Variants in GMDS observed in about 807,000 individuals in gnomAD.
GMDS encodes GDP-mannose 4,6-dehydratase.
In GMDS, 20 loss-of-function variants were observed where a neutral mutation model predicts 49.9. That is an observed-to-expected ratio of 0.40 (90% CI 0.28 to 0.58). The LOEUF (loss-of-function observed/expected upper bound fraction) is 0.58. Among genes scored for constraint, GMDS ranks in the 20% least tolerant of loss-of-function variants. GMDS has a pLI of 0.42. For missense variants in GMDS, 362 were observed against 481.4 expected (o/e 0.75, Z 2.32); for synonymous variants, 177 against 178.6 (o/e 0.99, Z 0.07).
intron 3 of GMDS, among the ~76,000 whole-genome samples, chr6:2,116,427 T>C (rs1373015145): frequency 6.6e-6 from 1 of 152,216 alleles, no homozygotes; most frequent in African/African-American, 2.4e-5. Flanking sequence ...CTGACTTCAT[T>C]AGCATAAGAA....
chr6:1,787,750 A>G (rs1053324605), intron 7 of GMDS, among the ~76,000 whole-genome samples: 1 of 152,220 alleles, frequency 6.6e-6, no homozygotes, highest in Admixed American at 6.5e-5. Flanking sequence ...CAATTTCATA[A>G]GCTGCCTGAA....
chr6:2,014,667 A>G (rs1464553857), intron 4 of GMDS, among the ~76,000 whole-genome samples: 1 of 152,132 alleles, frequency 6.6e-6, no homozygotes, highest in Non-Finnish European at 1.5e-5. Flanking sequence ...AGAATAAAAT[A>G]TAACTGCAAA....
chr6:1,673,434 G>GA (rs1204703150), intron 9 of GMDS, among the ~76,000 whole-genome samples: 1 of 151,156 alleles, frequency 6.6e-6, no homozygotes, highest in African/African-American at 2.4e-5. Flanking sequence ...AAACTACACA[G>GA]AAAGTACAGA....
At chr6:1,765,471 G>A (rs1448558395) in intron 7 of GMDS, among the ~76,000 whole-genome samples, 1 of 152,168 alleles carries the variant, frequency 6.6e-6, no homozygotes, top group Non-Finnish European at 1.5e-5. Flanking sequence ...CAGGAAGAGA[G>A]CAAGGCAGAG....
intron 7 of GMDS, among the ~76,000 whole-genome samples, chr6:1,880,991 AAAG>A (rs1174098046): frequency 6.6e-6 from 1 of 152,206 alleles, no homozygotes; most frequent in East Asian, 1.9e-4. Context: ...TAAAGAAACA[AAAG>A]AAGAAAATCC....
chr6:2,128,247 T>C (rs1775560677), intron 1 of GMDS, among the ~76,000 whole-genome samples: 1 of 151,592 alleles, frequency 6.6e-6, no homozygotes. Flanking sequence ...CAATCTCGGC[T>C]CACTGCAACC....
chr6:2,026,856 G>C (rs1407109963), intron 4 of GMDS, among the ~76,000 whole-genome samples: 1 of 152,186 alleles, frequency 6.6e-6, no homozygotes, highest in Non-Finnish European at 1.5e-5. Flanking sequence ...AGCTTCATTA[G>C]TTTATTGAAT....
At chr6:1,686,773 G>T (rs533771432) in intron 9 of GMDS, among the ~76,000 whole-genome samples, 10 of 152,282 alleles carry the variant, frequency 6.6e-5, no homozygotes, top group Admixed American at 6.5e-4. Context: ...AGCTGCCCAG[G>T]TTGCAGGGCT....
At chr6:2,167,762 T>C (rs1165242855) in intron 1 of GMDS, among the ~76,000 whole-genome samples, 1 of 152,004 alleles carries the variant, frequency 6.6e-6, no homozygotes, top group Non-Finnish European at 1.5e-5. Context: ...TGGCTGCTCT[T>C]ACCTCCTTGC....
chr6:1,862,719 T>A (rs1198524168), intron 7 of GMDS, among the ~76,000 whole-genome samples: 1 of 152,198 alleles, frequency 6.6e-6, no homozygotes, highest in Non-Finnish European at 1.5e-5. Context: ...TTCACATAGT[T>A]CCCTGGGTAA....
chr6:1,960,422 A>G (rs970600000), intron 5 of GMDS, among the ~76,000 whole-genome samples: 3 of 152,188 alleles, frequency 2.0e-5, no homozygotes, highest in African/African-American at 7.2e-5. Flanking sequence ...GAAAATAAAA[A>G]AAAACATGAA....
chr6:1,795,817 T>A (rs942219003), intron 7 of GMDS, among the ~76,000 whole-genome samples: 1 of 152,218 alleles, frequency 6.6e-6, no homozygotes, highest in Non-Finnish European at 1.5e-5. Context: ...TCCTTAATTT[T>A]AAAATATTCA....
chr6:2,024,998 A>G (rs1208427173), intron 4 of GMDS, among the ~76,000 whole-genome samples: 1 of 152,074 alleles, frequency 6.6e-6, no homozygotes, highest in African/African-American at 2.4e-5. Flanking sequence ...AGTATACCAT[A>G]TACTAGTAAA....
At chr6:1,881,454 C>A (rs1016239155) in intron 7 of GMDS, among the ~76,000 whole-genome samples, 1 of 152,050 alleles carries the variant, frequency 6.6e-6, no homozygotes, top group Admixed American at 6.6e-5. Flanking sequence ...AAAAAAGGAG[C>A]TGAATATAGG....
At position 2,245,530 on chromosome 6, in the gene GMDS, C is replaced by A. The variant is rs1476313128; in HGVS notation, c.-108G>T. 6 of 548,508 alleles carry A rather than the reference C, an allele frequency of 1.1e-5. No homozygotes were observed. Among genetic ancestry groups the A allele is most frequent in the Non-Finnish European group, 1.7e-5 (6 of 351,222 alleles). The allele number at this position is 548,508 out of a possible 1,614,324, so 34.0% of individuals were successfully genotyped here. On this transcript the variant is annotated 5_prime_UTR_variant, in exon 1 of 11. Transcript: ENST00000380815. ...CAGCACGAAGCGCCTCTCCAGGCTG[C>A]GGGCAGGGAGGGAGAGCGCACCGCG...
intron 4 of GMDS, among the ~76,000 whole-genome samples, chr6:2,069,154 C>T (rs1487303308): frequency 6.6e-6 from 1 of 152,122 alleles, no homozygotes; most frequent in Non-Finnish European, 1.5e-5. Flanking sequence ...CTGAGAAAAA[C>T]AAGCAATGGG....
Position 1,833,291 on chromosome 6 carries a change from C to T in GMDS, c.772-90705G>A, listed in dbSNP as rs923577445. ...CAGTGACTTCCAGAGAAGGGGAGGC[C>T]CCAGAACAACACTGGACACATCAAA... On this transcript the variant is annotated intron_variant, in intron 7 of 10. Coordinates refer to ENST00000380815, the MANE Select transcript of GMDS (RefSeq NM_001500.4). This position sits in a 1 kb window ranked among gnomAD's most constrained non-coding sequence, Gnocchi z 4.4. Among the ~76,000 whole-genome samples, 17 of 151,674 alleles carry T rather than the reference C, an allele frequency of 1.1e-4. No homozygotes were observed. Among genetic ancestry groups the T allele is most frequent in the African/African-American group, 2.2e-4 (9 of 41,274 alleles).
chr6:1,969,102 A>G (rs1764438446), intron 4 of GMDS, among the ~76,000 whole-genome samples: 1 of 151,744 alleles, frequency 6.6e-6, no homozygotes, highest in African/African-American at 2.4e-5. Flanking sequence ...TCTACTAAAA[A>G]TACAAAAAAA....
At chr6:2,166,620 G>A (rs2127550603) in intron 1 of GMDS, among the ~76,000 whole-genome samples, 1 of 152,294 alleles carries the variant, frequency 6.6e-6, no homozygotes, top group East Asian at 1.9e-4. Context: ...TGGAATGGCA[G>A]AGTAAGAAGA....
Sources: allele counts gnomAD v4.1 joint callset (sites outside exome capture counted in the v4.1 genomes callset), GRCh38; gene constraint gnomAD v4.1.1; non-coding constraint Gnocchi (gnomAD v3.1); transcripts MANE v1.5; gene names NCBI Gene and HGNC (gene_info 2026-07-23, HGNC 2026-07-21).